Variants in FBXW7 observed in about 807,000 individuals in gnomAD.
FBXW7 encodes the protein F-box and WD repeat domain containing 7.
In FBXW7, 11 loss-of-function variants were observed where a neutral mutation model predicts 86.3. The ratio of observed to expected loss-of-function variants is 0.13; its 90% CI spans 0.08 to 0.21. The LOEUF (loss-of-function observed/expected upper bound fraction) is 0.21. Among genes scored for constraint, FBXW7 ranks in the 10% least tolerant of loss-of-function variants. The probability of loss-of-function intolerance (pLI) is 1.00; values close to 1 mark genes in which losing one functional copy is unlikely to be tolerated. For missense variants in FBXW7, 488 were observed against 847.4 expected (o/e 0.58, Z 5.27); for synonymous variants, 313 against 297.9 (o/e 1.05, Z -0.52).
chr4:152,412,745 C>T (rs952002781), intron 2 of FBXW7: 1 of 151,900 alleles, frequency 6.6e-6, no homozygotes, highest in African/African-American at 2.4e-5. Context: ...ATATATTATG[C>T]TAAGGGGAAA....
chr4:152,321,181 G>T lies in FBXW7; in HGVS notation c.*1700C>A, dbSNP rs576559147. Reference sequence around the variant, plus strand: ...CAGGATGCAAAGAAACCAAGATTTTGCTTATTTAAATATTATAGACAAATC... The same window carrying T: ...CAGGATGCAAAGAAACCAAGATTTTTCTTATTTAAATATTATAGACAAATC... On this transcript the variant is annotated 3_prime_UTR_variant, in exon 14 of 14. Transcript: ENST00000281708. 3.8e-5 allele frequency: 8 copies of T among 213,214 alleles called. No individual in the cohort carries two copies. In the South Asian group the frequency reaches 1.5e-3, roughly 40 times the overall value. 13.2% of individuals were successfully genotyped at this position (213,214 alleles called of 1,614,324 possible).
intron 4 of FBXW7, among the ~76,000 whole-genome samples, chr4:152,401,744 T>C (rs919232397): frequency 1.3e-5 from 2 of 152,192 alleles, no homozygotes; most frequent in Non-Finnish European, 2.9e-5. Flanking sequence ...ACTACTCTGG[T>C]AAGGGTGAAG....
At chr4:152,485,017 T>C (rs552634060) in intron 2 of FBXW7, among the ~76,000 whole-genome samples, 14 of 147,434 alleles carry the variant, frequency 9.5e-5, no homozygotes, top group African/African-American at 3.0e-4. Flanking sequence ...AAAGAAAACA[T>C]GAATTCTAGT....
At chr4:152,522,977 A>G (rs982113972) in intron 2 of FBXW7, among the ~76,000 whole-genome samples, 5 of 152,232 alleles carry the variant, frequency 3.3e-5, no homozygotes, top group African/African-American at 1.2e-4. Flanking sequence ...TGACACTTGA[A>G]AAGTAGTATT....
In FBXW7 at chr4:152,347,012, G is replaced by C. The variant is rs2126635688; in HGVS notation, c.644C>G (p.Ala215Gly). ...TPTTFGDLRA[A>G]NGQGQQRRRI... is the part of the protein sequence containing the mutation. Reference sequence around the variant, plus strand: ...GCGTCGTTGTTGCCCTTGGCCATTGGCTGCTCTGAGGTCCCCAAAAGTTGT... The same window carrying C: ...GCGTCGTTGTTGCCCTTGGCCATTGCCTGCTCTGAGGTCCCCAAAAGTTGT... The change falls in exon 6 of 14, where the codon GCC becomes GGC. Residue 215 changes from alanine (A) to glycine (G), a missense_variant. Around this residue, in one of 4 missense-constraint regions of FBXW7, gnomAD observed 59 missense variants for 137.9 expected, o/e 0.43. Coordinates refer to ENST00000281708, the MANE Select transcript of FBXW7 (RefSeq NM_001349798.2). 1 of 1,613,350 alleles carries C rather than the reference G, an allele frequency of 6.2e-7. No individual in the cohort carries two copies. Among genetic ancestry groups the C allele is most frequent in the Non-Finnish European group, 8.5e-7 (1 of 1,179,798 alleles).
At chr4:152,408,935 C>CA (rs923392530) in intron 4 of FBXW7, among the ~76,000 whole-genome samples, 2 of 152,134 alleles carry the variant, frequency 1.3e-5, no homozygotes, top group African/African-American at 4.8e-5. Context: ...TGACTTTTAA[C>CA]ATTAAGACAA....
chr4:152,361,366 C>T (rs1578991303), intron 4 of FBXW7, among the ~76,000 whole-genome samples: 1 of 151,872 alleles, frequency 6.6e-6, no homozygotes, highest in Non-Finnish European at 1.5e-5. Flanking sequence ...TAACAAATTA[C>T]ATTATTTGCT....
chr4:152,432,194 G>T (rs1023259326), intron 2 of FBXW7, among the ~76,000 whole-genome samples: 2 of 152,176 alleles, frequency 1.3e-5, no homozygotes, highest in African/African-American at 2.4e-5. Context: ...AATACCAAGA[G>T]TTGTGAACTC....
chr4:152,525,715 A>G (rs962161884), intron 2 of FBXW7, among the ~76,000 whole-genome samples: 1 of 152,170 alleles, frequency 6.6e-6, no homozygotes, highest in Non-Finnish European at 1.5e-5. Context: ...ATGGGCATTT[A>G]GATTGATTCC....
chr4:152,466,797 C>T (rs1049851371), intron 2 of FBXW7, among the ~76,000 whole-genome samples: 1 of 151,202 alleles, frequency 6.6e-6, no homozygotes, highest in African/African-American at 2.4e-5. Flanking sequence ...AAAAAATTAG[C>T]CAGGCGCGGT....
chr4:152,495,231 G>A (rs759921983), intron 2 of FBXW7, among the ~76,000 whole-genome samples: 5 of 151,982 alleles, frequency 3.3e-5, no homozygotes, highest in Admixed American at 6.6e-5. Flanking sequence ...TCAGGAGTTC[G>A]AGATCACCCT....
At chr4:152,372,511 C>T (rs189595057) in intron 4 of FBXW7, among the ~76,000 whole-genome samples, 1 of 151,902 alleles carries the variant, frequency 6.6e-6, no homozygotes, top group Admixed American at 6.6e-5. Context: ...ATAAAGATGA[C>T]TGTTTTATGT....
At chr4:152,495,288 C>T (rs930563747) in intron 2 of FBXW7, among the ~76,000 whole-genome samples, 9 of 151,482 alleles carry the variant, frequency 5.9e-5, no homozygotes, top group African/African-American at 2.2e-4. Flanking sequence ...TAAAAAAAAA[C>T]AAATTAGCTG....
At chr4:152,453,384 C>T (rs780363220) in intron 2 of FBXW7, among the ~76,000 whole-genome samples, 88 of 152,214 alleles carry the variant, frequency 5.8e-4, no homozygotes, top group East Asian at 2.7e-3. Context: ...CCCCACGTCA[C>T]CCCATGTCTT....
chr4:152,477,579 G>T (rs1304301586), intron 2 of FBXW7, among the ~76,000 whole-genome samples: 1 of 152,092 alleles, frequency 6.6e-6, no homozygotes, highest in Non-Finnish European at 1.5e-5. Context: ...CTCAACCACT[G>T]CATATTTGTC....
At chr4:152,435,390 G>A (rs970319734) in intron 2 of FBXW7, among the ~76,000 whole-genome samples, 9 of 152,038 alleles carry the variant, frequency 5.9e-5, no homozygotes, top group African/African-American at 1.9e-4. Flanking sequence ...ATTATGCATC[G>A]CAGGCAGGAA....
rs940214933 is a variant in FBXW7, at chr4:152,322,185, A to T, written c.*696T>A. 1 of 233,446 alleles carries T rather than the reference A, an allele frequency of 4.3e-6. No individual in the cohort carries two copies. 14.5% of individuals were successfully genotyped at this position (233,446 alleles called of 1,614,324 possible). On this transcript the variant is annotated 3_prime_UTR_variant, in exon 14 of 14. Transcript: ENST00000281708. ...CTTCTAGCACCAGCATCAAGAATTAAATCCATCTCAGGACTCACAGAACCC... is the reference window on the plus strand; with the variant it reads ...CTTCTAGCACCAGCATCAAGAATTATATCCATCTCAGGACTCACAGAACCC...
chr4:152,526,314 G>A (rs993230159), intron 2 of FBXW7, among the ~76,000 whole-genome samples: 1 of 151,946 alleles, frequency 6.6e-6, no homozygotes, highest in South Asian at 2.1e-4. Context: ...GCCAATGAAG[G>A]AAAGCATACC....
chr4:152,530,378 G>A (rs959517116), intron 2 of FBXW7: 2 of 152,024 alleles, frequency 1.3e-5, no homozygotes, highest in African/African-American at 2.4e-5. Context: ...TTTTACACAC[G>A]AAGTAAATGC....
Sources: gnomAD v4.1 joint callset for allele counts (sites outside exome capture counted in the v4.1 genomes callset) on GRCh38, gnomAD v4.1.1 for gene constraint, gnomAD v4.1.1 regional missense constraint, MANE v1.5 for transcripts, NCBI Gene and HGNC (gene_info 2026-07-23, HGNC 2026-07-21) for gene names.